The following TACC2 variants were observed in gnomAD, a reference collection of about 807,000 sequenced individuals.
The protein encoded by TACC2 is transforming acidic coiled-coil containing protein 2.
In TACC2, 137 loss-of-function variants were observed where a neutral mutation model predicts 227.3. That is an observed-to-expected ratio of 0.60 (90% CI 0.52 to 0.69). TACC2 has a LOEUF of 0.69. Among genes scored for constraint, TACC2 ranks in the 30% least tolerant of loss-of-function variants. TACC2 has a pLI of 0.00. For missense variants in TACC2, 3,470 were observed against 3,694.4 expected (o/e 0.94, Z 1.57); for synonymous variants, 1,523 against 1,487.5 (o/e 1.02, Z -0.55).
rs1296455453 is a variant in TACC2 at position 122,084,585 on chromosome 10, C to T, written c.2085C>T (p.Pro695=). The part of the protein sequence containing the change: ...GAIWEGSGLQ[P]KCPDTLQSRE... Reference sequence around the variant, plus strand: ...TCTGGGAGGGGTCAGGATTGCAGCCCAAATGTCCTGACACCCTTCAGAGCA... The same window carrying T: ...TCTGGGAGGGGTCAGGATTGCAGCCTAAATGTCCTGACACCCTTCAGAGCA... Residue 695 remains proline, a synonymous_variant, in exon 4 of 23, where the codon CCC becomes CCT. Coordinates refer to ENST00000369005, the MANE Select transcript of TACC2 (RefSeq NM_206862.4). 3.1e-6 allele frequency: 5 copies of T among 1,613,734 alleles called. No individual in the cohort carries two copies. The Admixed American group carries it at 6.7e-5, about 22-fold the overall frequency.
At chr10:122,125,706 T>C (rs1033059585) in intron 5 of TACC2, among the ~76,000 whole-genome samples, 1 of 151,756 alleles carries the variant, frequency 6.6e-6, no homozygotes. Flanking sequence ...GGCTGTAAAG[T>C]CATCATTTTC....
intron 3 of TACC2, among the ~76,000 whole-genome samples, chr10:122,062,180 CCGCCACCA>C (rs1244275619): frequency 6.6e-6 from 1 of 151,930 alleles, no homozygotes; most frequent in Non-Finnish European, 1.5e-5. Context: ...CTACAGGTGC[CCGCCACCA>C]CGCCTGGCTA....
At chr10:122,221,441 C>T (rs1301968783) in intron 11 of TACC2, among the ~76,000 whole-genome samples, 1 of 152,124 alleles carries the variant, frequency 6.6e-6, no homozygotes, top group African/African-American at 2.4e-5. Context: ...GGTGGTCACC[C>T]AGTTGCCCTG....
chr10:122,118,480 T>A (rs563905271), intron 5 of TACC2, among the ~76,000 whole-genome samples: 1 of 152,334 alleles, frequency 6.6e-6, no homozygotes, highest in South Asian at 2.1e-4. Context: ...GCATCCTCAG[T>A]ACCTTGTATT....
At chr10:122,236,809 A>G (rs1055519957) in intron 16 of TACC2, among the ~76,000 whole-genome samples, 1 of 152,198 alleles carries the variant, frequency 6.6e-6, no homozygotes, top group Non-Finnish European at 1.5e-5. Flanking sequence ...CATAACTCCA[A>G]CATAACTCTT....
chr10:122,247,567 A>G (rs925104324), intron 19 of TACC2: 4 of 152,290 alleles, frequency 2.6e-5, no homozygotes, highest in African/African-American at 9.6e-5. Flanking sequence ...CTAAGCAGCC[A>G]TAAAAAAAGA....
In TACC2 at chr10:122,085,814, C is replaced by T. The variant is rs2080037658; in HGVS notation, c.3314C>T (p.Thr1105Ile). Residue 1105 changes from threonine (T) to isoleucine (I), a missense_variant, in exon 4 of 23, where the codon ACT becomes ATT. By Grantham distance (89) the Thr-to-Ile change is moderately conservative. Transcript: ENST00000369005. ...APQQKMECWA[T>I]SDAESPKLLA... is the part of the protein sequence containing the mutation. ...CAGCAGAAAATGGAGTGCTGGGCCA[C>T]TTCGGATGCAGAGTCCCCAAAGCTT... 6.2e-7 allele frequency: 1 copy of T among 1,612,910 alleles called. No homozygotes were observed. Among genetic ancestry groups the T allele is most frequent in the African/African-American group, 1.3e-5 (1 of 74,924 alleles).
intron 22 of TACC2, among the ~76,000 whole-genome samples, chr10:122,251,516 A>G (rs2096254608): frequency 6.6e-6 from 1 of 152,174 alleles, no homozygotes; most frequent in Admixed American, 6.5e-5. Flanking sequence ...GTGACTTGAA[A>G]AATGGAATGT....
At chr10:122,119,614 C>T (rs2085337740) in intron 5 of TACC2, among the ~76,000 whole-genome samples, 1 of 152,174 alleles carries the variant, frequency 6.6e-6, no homozygotes, top group Admixed American at 6.5e-5. Flanking sequence ...TATTTGTCAT[C>T]TTTTGAGAAG....
At chr10:122,118,015 CTTTTTTTTTTT>C (rs902640167) in intron 5 of TACC2, among the ~76,000 whole-genome samples, 63 of 138,560 alleles carry the variant, frequency 4.5e-4, no homozygotes, top group African/African-American at 1.7e-3. Context: ...TTCTCTTTTT[CTTTTTTTTTTT>C]TTTTTGAGAT....
At chr10:122,133,325 C>G (rs988124274) in intron 6 of TACC2, among the ~76,000 whole-genome samples, 4 of 152,202 alleles carry the variant, frequency 2.6e-5, no homozygotes, top group African/African-American at 9.6e-5. Context: ...TCCGTCTACA[C>G]TGTGCTTGGC....
At chr10:122,069,262 G>A (rs1013071603) in intron 3 of TACC2, among the ~76,000 whole-genome samples, 2 of 151,120 alleles carry the variant, frequency 1.3e-5, no homozygotes, top group African/African-American at 4.9e-5. Flanking sequence ...TTTTTTTTGA[G>A]ACGGAGTCTC....
In TACC2 at chr10:122,166,119, G is replaced by A. The variant is rs865942714; in HGVS notation, c.5834+22413G>A. On this transcript the variant is annotated intron_variant, in intron 7 of 22. Coordinates refer to ENST00000369005, the MANE Select transcript of TACC2 (RefSeq NM_206862.4). ...ATGATGCCGTCAGGGCTGCAGGGAT[G>A]GTGACAAACACAGGGTGCGCACCTG... Among the ~76,000 whole-genome samples, 8 of 152,278 alleles carry A rather than the reference G, an allele frequency of 5.3e-5. 1 individual carries two copies. The Middle Eastern group carries it at 0.01, about 194-fold the overall frequency.
Position 122,223,051 on chromosome 10 carries a change from C to CTT in TACC2, c.7547-1674_7547-1673insTT, listed in dbSNP as rs2095552526. Among the ~76,000 whole-genome samples, 26 of 133,808 alleles carry CTT rather than the reference C, an allele frequency of 1.9e-4. 1 individual carries two copies. In the East Asian group the frequency reaches 5.7e-3, roughly 29 times the overall value. The allele number at this position is 133,808 out of a possible 152,430, so 87.8% of individuals were successfully genotyped here. On this transcript the variant is annotated intron_variant, in intron 11 of 22. Transcript: ENST00000369005. ...CCTTCCTCCTCCTCTCTCTCTCTCTCTCTTTTTTTTTTTTTTTTTTTTGAG... is the reference window on the plus strand; with the variant it reads ...CCTTCCTCCTCCTCTCTCTCTCTCTCTTTCTTTTTTTTTTTTTTTTTTTTGAG...
At chr10:122,107,782 A>C (rs1039763330) in intron 5 of TACC2, among the ~76,000 whole-genome samples, 2 of 150,168 alleles carry the variant, frequency 1.3e-5, no homozygotes, top group African/African-American at 4.9e-5. Context: ...CCTGCCACCT[A>C]AGCAGTGTAC....
At chr10:122,221,217 A>G (rs752262065) in intron 11 of TACC2, among the ~76,000 whole-genome samples, 167 of 152,266 alleles carry the variant, frequency 1.1e-3, no homozygotes, top group Non-Finnish European at 2.0e-3. Flanking sequence ...ATTGACAATT[A>G]TAAATGGTTT....
rs2141009531 is a variant in TACC2 at position 122,210,105 on chromosome 10, G to C, written c.5972-292G>C. On this transcript the variant is annotated intron_variant, in intron 8 of 22. Coordinates refer to ENST00000369005, the MANE Select transcript of TACC2 (RefSeq NM_206862.4). This position sits in a 1 kb window ranked among gnomAD's most constrained non-coding sequence, Gnocchi z 4.6. ...AGTACCTAGAACCATGTCTGGTCCTGATTAGGCACTTGGTGAATGTTTTTG... is the reference window on the plus strand; with the variant it reads ...AGTACCTAGAACCATGTCTGGTCCTCATTAGGCACTTGGTGAATGTTTTTG... 4.3e-6 allele frequency: 2 copies of C among 460,228 alleles called. No individual in the cohort carries two copies. The highest frequency in any genetic ancestry group is 6.1e-4 in the Middle Eastern group (1 of 1,642). The allele number at this position is 460,228 out of a possible 1,614,324, so 28.5% of individuals were successfully genotyped here.
chr10:122,052,406 T>C (rs2075792282), intron 3 of TACC2: 1 of 152,028 alleles, frequency 6.6e-6, no homozygotes, highest in African/African-American at 2.4e-5. Flanking sequence ...GGCATGCAAA[T>C]TGAGCATAAA....
intron 5 of TACC2, among the ~76,000 whole-genome samples, chr10:122,105,105 C>T (rs60073908): frequency 0.058 from 8,904 of 152,246 alleles, 351 homozygotes; most frequent in East Asian, 0.18. Context: ...CAGGACGCTC[C>T]GTGATTCTGT....
Sources: gnomAD v4.1 joint callset for allele counts (sites outside exome capture counted in the v4.1 genomes callset) on GRCh38, gnomAD v4.1.1 for gene constraint, Gnocchi (gnomAD v3.1) non-coding constraint, MANE v1.5 for transcripts, NCBI Gene and HGNC (gene_info 2026-07-23, HGNC 2026-07-21) for gene names.